The following CCDC82 variants were observed in gnomAD, a reference collection of about 807,000 sequenced individuals.
The protein encoded by CCDC82 is coiled-coil domain-containing protein 82.
A neutral mutation model predicts 60.6 loss-of-function variants in CCDC82; 47 were observed. That is an observed-to-expected ratio of 0.77 (90% confidence interval 0.61 to 0.99). CCDC82 has a LOEUF of 0.99. Ranked by LOEUF, CCDC82 falls within the 50% of genes least tolerant of loss-of-function variation. CCDC82 has a pLI of 0.00. For synonymous variants in CCDC82, 212 were observed against 207.4 expected, an observed-to-expected ratio of 1.02 and a Z score of -0.19; for missense variants, 588 against 633.0, an observed-to-expected ratio of 0.93 and a Z score of 0.76.
intron 1 of CCDC82, chr11:96,388,328 T>C (rs1040416963): frequency 6.6e-5 from 10 of 152,206 alleles, no homozygotes; most frequent in African/African-American, 2.2e-4. Flanking sequence ...ATGTTGAATA[T>C]ACACTTAATT....
intron 7 of CCDC82, 25 bp from the exon 8 acceptor site, chr11:96,365,175 AG>A (rs769220720): frequency 1.1e-5 from 15 of 1,398,500 alleles, no homozygotes; most frequent in Non-Finnish European, 1.5e-5. Context: ...TATAAAAAAA[AG>A]TTTAAAAGAT....
At chr11:96,366,459 C>G (rs1864954749) in intron 7 of CCDC82, among the ~76,000 whole-genome samples, 2 of 152,154 alleles carry the variant, frequency 1.3e-5, no homozygotes, top group South Asian at 4.1e-4. Flanking sequence ...TATGGTAAAA[C>G]CTAATATGGC....
intron 5 of CCDC82, among the ~76,000 whole-genome samples, chr11:96,374,318 A>AT (rs1017185606): frequency 1.6e-4 from 25 of 152,164 alleles, no homozygotes; most frequent in Non-Finnish European, 1.3e-4. Context: ...CCATGGATAG[A>AT]TTTTGACTCT....
In CCDC82 at chr11:96,362,618, A is replaced by G. The variant is rs147920230; in HGVS notation, c.1380+2362T>C. ...TTTCACAACTCTCTTTCATCCAGGTAATTTCCTTCTCATCTATGTCCTTAA... is the reference window on the plus strand; with the variant it reads ...TTTCACAACTCTCTTTCATCCAGGTGATTTCCTTCTCATCTATGTCCTTAA... On this transcript the variant is annotated intron_variant, in intron 8 of 9. Transcript: ENST00000646818. Among the ~76,000 whole-genome samples, 234 of 152,204 alleles carry G rather than the reference A, an allele frequency of 1.5e-3. 4 individuals are homozygous for G. In the Middle Eastern group the frequency reaches 0.017, roughly 11 times the overall value.
At chr11:96,374,824 T>C (rs1240158795) in intron 5 of CCDC82, among the ~76,000 whole-genome samples, 2 of 152,160 alleles carry the variant, frequency 1.3e-5, no homozygotes, top group African/African-American at 4.8e-5. Context: ...AGATATGTTA[T>C]AAGCAAGTAA....
chr11:96,384,316 TATTTGTCCA>T lies in CCDC82; in HGVS notation c.423_431del (p.Gly142_Ile144del). The T allele has an allele frequency of 6.2e-7, 1 of 1,613,744 alleles. No individual in the cohort carries two copies. Among genetic ancestry groups the T allele is most frequent in the East Asian group, 2.2e-5 (1 of 44,856 alleles). On this transcript the variant is annotated inframe_deletion, in exon 4 of 10. Coordinates refer to ENST00000646818, the MANE Select transcript of CCDC82 (RefSeq NM_024725.4). ...AATGTTTTTCCTGATCATCCTCTAT[TATTTGTCCA>T]GTTTGTTTGTTGAGATCATTATCCT...
At chr11:96,388,482 T>C (rs1866332450) in intron 1 of CCDC82, 1 of 152,220 alleles carries the variant, frequency 6.6e-6, no homozygotes, top group South Asian at 2.1e-4. Context: ...ATGGTTAATA[T>C]AAGATGCACA....
chr11:96,374,026 C>T (rs760686180), intron 5 of CCDC82, among the ~76,000 whole-genome samples: 2 of 152,192 alleles, frequency 1.3e-5, no homozygotes, highest in African/African-American at 2.4e-5. Flanking sequence ...CCCACTTCCT[C>T]GCTAACCAAA....
chr11:96,368,844 C>T (rs1259828774), intron 7 of CCDC82, among the ~76,000 whole-genome samples: 8 of 140,046 alleles, frequency 5.7e-5, no homozygotes, highest in South Asian at 2.4e-4. Flanking sequence ...CCAACCTGGG[C>T]GATGGAGAGA....
intron 9 of CCDC82, chr11:96,355,179 C>T (rs1183913840): frequency 3.3e-5 from 5 of 151,914 alleles, no homozygotes; most frequent in African/African-American, 9.7e-5. Context: ...ATTACCTTTC[C>T]TCATATTCCT....
chr11:96,368,520 C>A (rs1865069746), intron 7 of CCDC82, among the ~76,000 whole-genome samples: 2 of 152,226 alleles, frequency 1.3e-5, no homozygotes, highest in African/African-American at 2.4e-5. Context: ...AGAGAGTCAG[C>A]CTGTCCTTTG....
intron 5 of CCDC82, among the ~76,000 whole-genome samples, chr11:96,377,145 T>A (rs1865616885): frequency 6.6e-6 from 1 of 152,220 alleles, no homozygotes; most frequent in Non-Finnish European, 1.5e-5. Context: ...ATCAGCCTAG[T>A]GTATGAGGCA....
intron 5 of CCDC82, among the ~76,000 whole-genome samples, chr11:96,375,967 T>C (rs558949695): frequency 2.0e-5 from 3 of 152,352 alleles, no homozygotes; most frequent in South Asian, 2.1e-4. Context: ...CTATATTGAA[T>C]GAGCTTCTGT....
At chr11:96,374,628 G>A (rs1865471902) in intron 5 of CCDC82, among the ~76,000 whole-genome samples, 1 of 151,994 alleles carries the variant, frequency 6.6e-6, no homozygotes, top group African/African-American at 2.4e-5. Context: ...CGGCATAATT[G>A]AAAAATGAAA....
intron 8 of CCDC82, chr11:96,364,049 A>C (rs961861404): frequency 2.0e-5 from 3 of 152,034 alleles, no homozygotes; most frequent in African/African-American, 4.8e-5. Context: ...TTCTTACTCC[A>C]CTTTCCTCTT....
chr11:96,373,227 T>G (rs1261367464), intron 6 of CCDC82, 148 bp downstream of exon 6: 1 of 565,038 alleles, frequency 1.8e-6, no homozygotes, highest in African/African-American at 1.9e-5. Flanking sequence ...GGAGTTTTGA[T>G]GTAGTTGATC....
At chr11:96,388,787 G>A (rs530854164) in intron 1 of CCDC82, 7 of 152,298 alleles carry the variant, frequency 4.6e-5, no homozygotes, top group Admixed American at 3.3e-4. Context: ...TACCAGGAGG[G>A]ATCCATTCTT....
At chr11:96,377,296 T>C (rs1865627972) in intron 5 of CCDC82, among the ~76,000 whole-genome samples, 1 of 152,148 alleles carries the variant, frequency 6.6e-6, no homozygotes, top group Admixed American at 6.5e-5. Flanking sequence ...TTATATCCCT[T>C]CTCTTAACTT....
chr11:96,377,692 T>C (rs1865662060), intron 5 of CCDC82, among the ~76,000 whole-genome samples: 1 of 152,102 alleles, frequency 6.6e-6, no homozygotes, highest in Non-Finnish European at 1.5e-5. Context: ...GATATATTAA[T>C]GTAATATATT....
Sources: allele counts gnomAD v4.1 joint callset (sites outside exome capture counted in the v4.1 genomes callset), GRCh38; gene constraint gnomAD v4.1.1; transcripts MANE v1.5; gene names NCBI Gene and HGNC (gene_info 2026-07-23, HGNC 2026-07-21).